FLACC1: variants seen among roughly 807,000 people sequenced by gnomAD.
The protein encoded by FLACC1 is flagellum-associated coiled-coil domain-containing protein 1.
In FLACC1, 66 loss-of-function variants were observed where a neutral mutation model predicts 62.8. The ratio of observed to expected loss-of-function variants is 1.05; its 90% CI spans 0.86 to 1.29. The LOEUF (loss-of-function observed/expected upper bound fraction) is 1.29. Ranked by LOEUF, FLACC1 falls within the 50% of genes most tolerant of loss-of-function variation. The pLI, the probability that FLACC1 is intolerant of heterozygous loss-of-function variation, is 0.00. For missense variants in FLACC1, 452 were observed against 489.1 expected, an observed-to-expected ratio of 0.92 and a Z score of 0.71; for synonymous variants, 156 against 161.0, an observed-to-expected ratio of 0.97 and a Z score of 0.24.
chr2:201,350,879 A>C, intron 2 of FLACC1, 97 bp from the exon 3 acceptor site: 1 of 992,674 alleles, frequency 1.0e-6, no homozygotes, highest in Non-Finnish European at 1.5e-6. Context: ...AGTGACCCAA[A>C]ATTGGAATGC....
intron 7 of FLACC1, among the ~76,000 whole-genome samples, chr2:201,333,346 T>G (rs577445927): frequency 3.0e-4 from 46 of 152,348 alleles, no homozygotes; most frequent in African/African-American, 1.1e-3. Flanking sequence ...GCCATTTGTA[T>G]GTCTTCTTTT....
intron 11 of FLACC1, among the ~76,000 whole-genome samples, chr2:201,306,989 A>T (rs868524847): frequency 7.2e-5 from 11 of 152,222 alleles, no homozygotes; most frequent in Admixed American, 2.6e-4. Context: ...GTACCACTTC[A>T]TGCCCACTGG....
At chr2:201,351,681 C>A (rs1029973664) in intron 1 of FLACC1, 2 of 316,314 alleles carry the variant, frequency 6.3e-6, no homozygotes, top group Non-Finnish European at 1.2e-5. Flanking sequence ...TGGTGGCTCA[C>A]GCCTGTAATC....
intron 11 of FLACC1, 69 bp from the exon 12 acceptor site, chr2:201,299,369 G>A: frequency 8.0e-7 from 1 of 1,256,920 alleles, no homozygotes; most frequent in Non-Finnish European, 1.2e-6. Context: ...AGTTAAGAAA[G>A]CCAGACTAGG....
rs868559834 is a variant in FLACC1, at chr2:201,351,411, A to C, written c.-7T>G. 1.9e-6 allele frequency: 3 copies of C among 1,603,800 alleles called. No homozygotes were observed. The highest frequency in any genetic ancestry group is 3.5e-4 in the Middle Eastern group (2 of 5,696). On this transcript the variant is annotated 5_prime_UTR_variant, in exon 2 of 15. Coordinates refer to ENST00000392257, the MANE Select transcript of FLACC1 (RefSeq NM_001127391.3). ...TGAGAGGGTTGGGGTACATGGCCAA[A>C]GGTCAGGGGGAGTCTTGGCTGCTAG...
chr2:201,306,333 A>G (rs1194749737), intron 11 of FLACC1, among the ~76,000 whole-genome samples: 1 of 151,886 alleles, frequency 6.6e-6, no homozygotes, highest in East Asian at 1.9e-4. Context: ...TCATCCAATC[A>G]CCTCCCACCA....
chr2:201,323,195 C>G (rs1950437452), intron 9 of FLACC1, among the ~76,000 whole-genome samples: 1 of 152,172 alleles, frequency 6.6e-6, no homozygotes, highest in South Asian at 2.1e-4. Flanking sequence ...GAAAACCTTT[C>G]TGGCGTGGCT....
At chr2:201,328,022 G>A (rs1248080831) in intron 9 of FLACC1, among the ~76,000 whole-genome samples, 3 of 152,142 alleles carry the variant, frequency 2.0e-5, no homozygotes, top group Non-Finnish European at 4.4e-5. Context: ...GGATGGAGCT[G>A]GAGGCCATTA....
intron 9 of FLACC1, among the ~76,000 whole-genome samples, chr2:201,320,701 A>G (rs751899331): frequency 6.6e-6 from 1 of 152,168 alleles, no homozygotes; most frequent in Non-Finnish European, 1.5e-5. Flanking sequence ...GGAGACTCAG[A>G]GCGCAAGCCC....
In FLACC1 at chr2:201,346,521, A is replaced by C; in HGVS notation, c.368+21T>G. ...GGTGGGAGTAGCCCCAAGCAGCTGC[A>C]TGTTGCTGCAACAGCATTACCTGGA... On this transcript the variant is annotated intron_variant, in intron 5 of 14. Coordinates refer to ENST00000392257, the MANE Select transcript of FLACC1 (RefSeq NM_001127391.3). This position sits in a 1 kb window ranked among gnomAD's most constrained non-coding sequence, Gnocchi z 4.0. The C allele has an allele frequency of 6.2e-7, 1 of 1,612,438 alleles. No homozygotes were observed. The highest frequency in any genetic ancestry group is 8.5e-7 in the Non-Finnish European group (1 of 1,179,814).
chr2:201,352,169 G>A (rs1449220350), intron 1 of FLACC1: 3 of 152,132 alleles, frequency 2.0e-5, no homozygotes, highest in Admixed American at 2.0e-4. Flanking sequence ...CTTTCCAGCA[G>A]GCCACACCAG....
chr2:201,312,683 AAGGCTACAG>A (rs1351530478), intron 9 of FLACC1, among the ~76,000 whole-genome samples: 1 of 152,218 alleles, frequency 6.6e-6, no homozygotes, highest in Non-Finnish European at 1.5e-5. Flanking sequence ...CTACTAATAT[AAGGCTACAG>A]AGATGGTGGA....
At chr2:201,353,767 T>G (rs1304902870) in intron 1 of FLACC1, among the ~76,000 whole-genome samples, 1 of 152,008 alleles carries the variant, frequency 6.6e-6, no homozygotes, top group African/African-American at 2.4e-5. Context: ...CTGGCTAAGT[T>G]TTGTATTTTT....
intron 1 of FLACC1, among the ~76,000 whole-genome samples, chr2:201,353,853 C>T (rs1037084165): frequency 2.0e-5 from 3 of 152,198 alleles, no homozygotes; most frequent in African/African-American, 7.2e-5. Context: ...CTGCCTCGGC[C>T]TCCCAAAGTG....
At chr2:201,296,001 G>A (rs1002120678) in intron 12 of FLACC1, among the ~76,000 whole-genome samples, 1 of 152,078 alleles carries the variant, frequency 6.6e-6, no homozygotes, top group East Asian at 1.9e-4. Context: ...TCATTAAAAA[G>A]TCAGGAAACA....
chr2:201,309,905 CAAA>C (rs1161849891), intron 9 of FLACC1, among the ~76,000 whole-genome samples: 1 of 44,670 alleles, frequency 2.2e-5, no homozygotes, highest in Non-Finnish European at 5.4e-5. Context: ...GACTCTGTCT[CAAA>C]AAAAAAAAAA....
At chr2:201,351,617 A>T (rs964743322) in intron 1 of FLACC1, among the ~76,000 whole-genome samples, 166 bp from the exon 2 acceptor site, 1 of 152,208 alleles carries the variant, frequency 6.6e-6, no homozygotes, top group Non-Finnish European at 1.5e-5. Flanking sequence ...ATCCCTTTCT[A>T]CTCAGTAGAC....
chr2:201,330,421 G>C (rs778782374), intron 9 of FLACC1, 49 bp downstream of exon 9: 2 of 1,537,748 alleles, frequency 1.3e-6, no homozygotes, highest in South Asian at 1.2e-5. Context: ...TGTTAGCCAG[G>C]AATGAGCCTT....
At chr2:201,357,722 TC>T (rs527705050), upstream of FLACC1, among the ~76,000 whole-genome samples, 17 of 152,314 alleles carry the variant, frequency 1.1e-4, no homozygotes, top group South Asian at 3.5e-3. Context: ...GACACTTTTT[TC>T]CCTCGAGTTT....
Sources: gnomAD v4.1 joint callset for allele counts (sites outside exome capture counted in the v4.1 genomes callset) on GRCh38, gnomAD v4.1.1 for gene constraint, Gnocchi (gnomAD v3.1) non-coding constraint, MANE v1.5 for transcripts, NCBI Gene and HGNC (gene_info 2026-07-23, HGNC 2026-07-21) for gene names.